Variants in LRRC28 observed in about 807,000 individuals in gnomAD.
The protein encoded by LRRC28 is leucine rich repeat containing 28.
Under a neutral mutation model 45.7 loss-of-function variants are expected in LRRC28, and 39 were observed. The observed-to-expected ratio is 0.85, with a 90% CI of 0.66 to 1.12. LRRC28 has a LOEUF of 1.12. Ranked by LOEUF, LRRC28 falls within the 50% of genes most tolerant of loss-of-function variation. The pLI is 0.00. For missense variants in LRRC28, 435 were observed against 438.5 expected (o/e 0.99, Z 0.07); for synonymous variants, 206 against 178.8 (o/e 1.15, Z -1.22).
chr15:99,273,634 A>T (rs1035422076), intron 2 of LRRC28, among the ~76,000 whole-genome samples: 3 of 152,228 alleles, frequency 2.0e-5, no homozygotes, highest in African/African-American at 7.2e-5. Context: ...CTACTTGTTA[A>T]TAAAGACATA....
intron 9 of LRRC28, 22 bp downstream of exon 9, chr15:99,363,287 C>A: frequency 6.2e-7 from 1 of 1,612,770 alleles, no homozygotes; most frequent in Non-Finnish European, 8.5e-7. Context: ...TAAGTGGGCA[C>A]CAGGGTTTAC....
Position 99,386,173 on chromosome 15 carries a change from C to G in LRRC28, c.*71C>G, listed in dbSNP as rs991928325. The G allele has an allele frequency of 3.0e-5, 36 of 1,211,280 alleles. No individual in the cohort carries two copies. The Admixed American group carries it at 6.1e-4, about 20-fold the overall frequency. 75.0% of individuals were successfully genotyped at this position (1,211,280 alleles called of 1,614,324 possible). ...AATCCAGCCAGTCCAGCACACTCTT[C>G]CATCCTGTCCTGTCCAATGCGGGGG... On this transcript the variant is annotated 3_prime_UTR_variant, in exon 10 of 10. Coordinates refer to ENST00000301981, the MANE Select transcript of LRRC28 (RefSeq NM_144598.5).
Position 99,389,997 on chromosome 15 carries a change from A to G in LRRC28, c.*3895A>G, listed in dbSNP as rs1958137292. The G allele has an allele frequency of 6.6e-6, 1 of 152,562 alleles. No homozygotes were observed. The highest frequency in any genetic ancestry group is 2.4e-5 in the African/African-American group (1 of 41,468). The allele number at this position is 152,562 out of a possible 1,614,324, so 9.5% of individuals were successfully genotyped here. ...GCCAGGCGTGGTGGCGCGCACCTGC[A>G]GTCCCAGCTACTCGGGAGGCTGAGG... On this transcript the variant is annotated 3_prime_UTR_variant, in exon 10 of 10. Transcript: ENST00000301981.
intron 5 of LRRC28, among the ~76,000 whole-genome samples, chr15:99,288,706 G>A (rs913267996): frequency 1.7e-4 from 26 of 151,396 alleles, no homozygotes; most frequent in Non-Finnish European, 3.7e-4. Flanking sequence ...TTTTAACAGA[G>A]TCTCACTCTG....
chr15:99,295,449 C>T (rs547598747), intron 5 of LRRC28, among the ~76,000 whole-genome samples: 228 of 152,318 alleles, frequency 1.5e-3, no homozygotes, highest in African/African-American at 5.2e-3. Flanking sequence ...AGGCTTCCAT[C>T]AGTACAGGGC....
chr15:99,355,242 G>A (rs1381098752), intron 7 of LRRC28, among the ~76,000 whole-genome samples: 1 of 152,178 alleles, frequency 6.6e-6, no homozygotes, highest in Admixed American at 6.5e-5. Flanking sequence ...GAAAAACCAA[G>A]ATAGTTTAAA....
chr15:99,317,084 C>A (rs1213548100), intron 5 of LRRC28, among the ~76,000 whole-genome samples: 1 of 151,062 alleles, frequency 6.6e-6, no homozygotes, highest in African/African-American at 2.4e-5. Context: ...ATAAATGTTG[C>A]GTGTACGCAA....
In LRRC28 at chr15:99,273,829, A is replaced by G. The variant is rs146932266; in HGVS notation, c.169-2747A>G. ...CCAGATATAGTATTGGTATTAGCAG[A>G]TGAAACTAGGTGAAGGTCTAACAGT... is the stretch of plus-strand genomic sequence containing the variant. On this transcript the variant is annotated intron_variant, in intron 2 of 9. Coordinates refer to ENST00000301981, the MANE Select transcript of LRRC28 (RefSeq NM_144598.5). Among the ~76,000 whole-genome samples, 785 of 152,364 alleles carry G rather than the reference A, an allele frequency of 5.2e-3. 9 individuals are homozygous for G. Among genetic ancestry groups the G allele is most frequent in the African/African-American group, 0.018 (746 of 41,588 alleles).
intron 3 of LRRC28, among the ~76,000 whole-genome samples, 169 bp from the exon 4 acceptor site, chr15:99,287,088 A>G (rs1191104466): frequency 1.3e-5 from 2 of 152,208 alleles, no homozygotes; most frequent in Non-Finnish European, 2.9e-5. Flanking sequence ...TTCTCAAAGT[A>G]TTATTAGTTA....
At chr15:99,302,771 A>G (rs532218308) in intron 5 of LRRC28, among the ~76,000 whole-genome samples, 6 of 152,322 alleles carry the variant, frequency 3.9e-5, no homozygotes, top group African/African-American at 1.4e-4. Context: ...TTTTGTCTCT[A>G]TAGTTTTGAC....
intron 9 of LRRC28, among the ~76,000 whole-genome samples, chr15:99,366,644 A>G (rs1957348444): frequency 6.6e-6 from 1 of 152,138 alleles, no homozygotes; most frequent in Non-Finnish European, 1.5e-5. Context: ...TTATAAGGGC[A>G]CAAATCCTAT....
At chr15:99,362,185 G>A (rs1047087289) in intron 8 of LRRC28, among the ~76,000 whole-genome samples, 15 of 152,130 alleles carry the variant, frequency 9.9e-5, no homozygotes, top group Admixed American at 2.0e-4. Context: ...GAAATGTTTC[G>A]TCTTTACTTA....
rs1957249900 is a variant in LRRC28, at chr15:99,363,135, C to T, written c.901C>T (p.Pro301Ser). Reference protein sequence around the residue: ...DLNFLSPISLPRSLLELLHCP... With the variant: ...DLNFLSPISLSRSLLELLHCP... ...GAACTTTCTGTCTCCAATCTCATTA[C>T]CCAGAAGTCTCCTAGAGCTGCTGCA... Residue 301 changes from proline to serine, a missense_variant, in exon 9 of 10, where the codon CCC becomes TCC. Coordinates refer to ENST00000301981, the MANE Select transcript of LRRC28 (RefSeq NM_144598.5). 1.2e-6 allele frequency: 2 copies of T among 1,613,212 alleles called. No homozygotes were observed. The highest frequency in any genetic ancestry group is 1.7e-6 in the Non-Finnish European group (2 of 1,179,544).
rs752341086 is a variant in LRRC28, at chr15:99,386,256, C to G, written c.*154C>G. The G allele has an allele frequency of 6.5e-6, 4 of 618,838 alleles. No homozygotes were observed. The highest frequency in any genetic ancestry group is 8.6e-6 in the Non-Finnish European group (3 of 348,790). 38.3% of individuals were successfully genotyped at this position (618,838 alleles called of 1,614,324 possible). ...AGCTTCAGAGCTAAAATGCCTTCAC[C>G]CTTCCCCCAAGTTGGAATATATCCT... is the stretch of plus-strand genomic sequence containing the variant. On this transcript the variant is annotated 3_prime_UTR_variant, in exon 10 of 10. Coordinates refer to ENST00000301981, the MANE Select transcript of LRRC28 (RefSeq NM_144598.5).
chr15:99,255,569 G>A lies in LRRC28; in HGVS notation c.-60-329G>A, dbSNP rs2080992547. Among the ~76,000 whole-genome samples, 3 of 152,106 alleles carry A rather than the reference G, an allele frequency of 2.0e-5. No individual in the cohort carries two copies. In the South Asian group the frequency reaches 6.2e-4, roughly 32 times the overall value. ...GGGGTTTGCTGCATTTGATTTTTAAGCTTCTCCTTTGGTTGTATGTTATGA... is the reference window on the plus strand; with the variant it reads ...GGGGTTTGCTGCATTTGATTTTTAAACTTCTCCTTTGGTTGTATGTTATGA... On this transcript the variant is annotated intron_variant, in intron 1 of 9. Transcript: ENST00000301981.
intron 5 of LRRC28, chr15:99,331,923 C>T (rs1353605212): frequency 1.3e-5 from 2 of 152,242 alleles, no homozygotes; most frequent in Non-Finnish European, 2.9e-5. Context: ...TCCAAGCCTT[C>T]ACATAACCTT....
intron 2 of LRRC28, among the ~76,000 whole-genome samples, chr15:99,269,913 T>C (rs956867904): frequency 3.3e-5 from 5 of 152,192 alleles, no homozygotes; most frequent in Non-Finnish European, 5.9e-5. Flanking sequence ...ACTAGGACCC[T>C]GAAGGCATTT....
At chr15:99,333,852 T>G in intron 5 of LRRC28, 71 bp from the exon 6 acceptor site, 2 of 1,468,802 alleles carry the variant, frequency 1.4e-6, no homozygotes, top group East Asian at 2.3e-5. Context: ...TAAACTGTTA[T>G]AATATTGATT....
intron 3 of LRRC28, 70 bp from the exon 4 acceptor site, chr15:99,287,187 A>G (rs1402358568): frequency 2.9e-5 from 39 of 1,339,686 alleles, no homozygotes; most frequent in Non-Finnish European, 3.9e-5. Context: ...CTAAGTGAGC[A>G]TTTTATAAAC....
Sources: allele counts gnomAD v4.1 joint callset (sites outside exome capture counted in the v4.1 genomes callset), GRCh38; gene constraint gnomAD v4.1.1; transcripts MANE v1.5; gene names NCBI Gene and HGNC (gene_info 2026-07-23, HGNC 2026-07-21).